Variants in SPTSSB observed in about 807,000 individuals in gnomAD.
SPTSSB encodes the protein serine palmitoyltransferase small subunit B.
SPTSSB carries 6 observed loss-of-function variants against 7.7 expected under a neutral mutation model. The ratio of observed to expected loss-of-function variants is 0.78; its 90% CI spans 0.43 to 1.54. The LOEUF (loss-of-function observed/expected upper bound fraction) is 1.54, where lower values mean the gene tolerates loss of function less well. Among genes scored for constraint, SPTSSB ranks in the 40% most tolerant of loss-of-function variants. The pLI is 0.01. For missense variants in SPTSSB, 91 were observed against 93.0 expected (o/e 0.98, Z 0.09); for synonymous variants, 28 against 29.7 (o/e 0.94, Z 0.19).
At chr3:161,359,932 T>C (rs773269008) in intron 1 of SPTSSB, 38 bp from the exon 2 acceptor site, 2 of 308,874 alleles carry the variant, frequency 6.5e-6, no homozygotes, top group Non-Finnish European at 9.5e-6. Flanking sequence ...AACCAAAAGA[T>C]GTCTTCAAAT....
In SPTSSB at chr3:161,344,814, AT is replaced by A. The variant is rs572507077; in HGVS notation, c.*1278del. On this transcript the variant is annotated 3_prime_UTR_variant, in exon 3 of 3. Transcript: ENST00000620149. ...AAGTAGATATTTACTTACAAAATTA[AT>A]TTTATTTTGCAAAACTCAACAAATA... The A allele has an allele frequency of 2.3e-3, 345 of 152,458 alleles. No homozygotes were observed. The highest frequency in any genetic ancestry group is 7.8e-3 in the African/African-American group (323 of 41,564). The allele number at this position is 152,458 out of a possible 1,614,324, so 9.4% of individuals were successfully genotyped here.
Position 161,346,065 on chromosome 3 carries a change from A to C in SPTSSB, c.*28T>G, listed in dbSNP as rs1246788579. 4.4e-6 allele frequency: 5 copies of C among 1,136,508 alleles called. No homozygotes were observed. The African/African-American group carries it at 6.1e-5, about 14-fold the overall frequency. The allele number at this position is 1,136,508 out of a possible 1,614,324, so 70.4% of individuals were successfully genotyped here. The stretch of plus-strand genomic sequence containing the variant: ...AGCTGTAAGCAACATATAAATATGC[A>C]ATGCCATTTCACTGAATGTGAACAG... On this transcript the variant is annotated 3_prime_UTR_variant, in exon 3 of 3. Coordinates refer to ENST00000620149, the MANE Select transcript of SPTSSB (RefSeq NM_001040100.2).
chr3:161,350,504 A>G (rs1231194484), intron 2 of SPTSSB, among the ~76,000 whole-genome samples: 2 of 152,160 alleles, frequency 1.3e-5, no homozygotes, highest in African/African-American at 4.8e-5. Context: ...TTGGAACTCT[A>G]CATCAATCAC....
At chr3:161,353,030 T>C (rs1306286495) in intron 2 of SPTSSB, among the ~76,000 whole-genome samples, 2 of 152,140 alleles carry the variant, frequency 1.3e-5, no homozygotes, top group Non-Finnish European at 2.9e-5. Flanking sequence ...ACTTGAAGAC[T>C]TGAATTCTAT....
chr3:161,369,151 A>G (rs953057956), intron 1 of SPTSSB, among the ~76,000 whole-genome samples: 7 of 152,134 alleles, frequency 4.6e-5, no homozygotes, highest in African/African-American at 7.2e-5. Context: ...ACTCTCTTCT[A>G]TAGCGATTGC....
At chr3:161,358,208 G>C (rs1033491581) in intron 2 of SPTSSB, among the ~76,000 whole-genome samples, 1 of 152,048 alleles carries the variant, frequency 6.6e-6, no homozygotes, top group Non-Finnish European at 1.5e-5. Flanking sequence ...TACCAGTGTG[G>C]TAGGCAATGG....
Position 161,345,217 on chromosome 3 carries a change from G to A in SPTSSB, c.*876C>T, listed in dbSNP as rs1714156052. The A allele has an allele frequency of 6.6e-6, 1 of 152,516 alleles. No homozygotes were observed. Among genetic ancestry groups the A allele is most frequent in the Non-Finnish European group, 1.5e-5 (1 of 68,022 alleles). 9.4% of individuals were successfully genotyped at this position (152,516 alleles called of 1,614,324 possible). Reference sequence around the variant, plus strand: ...TAACTGGAGCTGTTGAGTTCCTGCTGGTAGAATATTACTTCCAGCCTATTT... The same window carrying A: ...TAACTGGAGCTGTTGAGTTCCTGCTAGTAGAATATTACTTCCAGCCTATTT... On this transcript the variant is annotated 3_prime_UTR_variant, in exon 3 of 3. Coordinates refer to ENST00000620149, the MANE Select transcript of SPTSSB (RefSeq NM_001040100.2).
intron 1 of SPTSSB, among the ~76,000 whole-genome samples, chr3:161,368,519 C>T (rs983537344): frequency 4.6e-5 from 7 of 151,144 alleles, no homozygotes; most frequent in Non-Finnish European, 8.9e-5. Context: ...CTCCGCCTCC[C>T]GGGTTCACGC....
At chr3:161,357,031 C>CT (rs1714800223) in intron 2 of SPTSSB, among the ~76,000 whole-genome samples, 1 of 152,062 alleles carries the variant, frequency 6.6e-6, no homozygotes, top group Admixed American at 6.6e-5. Context: ...GAGTGGAGAA[C>CT]TAGGCGGATC....
At chr3:161,352,368 A>G (rs1448791381) in intron 2 of SPTSSB, among the ~76,000 whole-genome samples, 4 of 152,194 alleles carry the variant, frequency 2.6e-5, no homozygotes, top group African/African-American at 9.7e-5. Flanking sequence ...TATTGCTTAA[A>G]GAAGCTATTT....
Position 161,346,339 on chromosome 3 carries a change from G to C in SPTSSB, c.-16C>G, listed in dbSNP as rs753142278. The C allele has an allele frequency of 2.6e-6, 4 of 1,550,070 alleles. No individual in the cohort carries two copies. Among genetic ancestry groups the C allele is most frequent in the Non-Finnish European group, 3.6e-6 (4 of 1,122,084 alleles). On this transcript the variant is annotated 5_prime_UTR_variant, in exon 3 of 3. Transcript: ENST00000620149. ...TCAAATCCATGGTTGGCTCCTTCAA[G>C]CTGCAGTAAGTTTGTCCTGTTAAAG...
rs1714205946 is a variant in SPTSSB, at chr3:161,346,028, C to T, written c.*65G>A. ...ATAGTGAAGGAAGACACAATAGTTA[C>T]CTAAATCAATAAGCTGTAAGCAACA... On this transcript the variant is annotated 3_prime_UTR_variant, in exon 3 of 3. Transcript: ENST00000620149. 4 of 834,808 alleles carry T rather than the reference C, an allele frequency of 4.8e-6. No individual in the cohort carries two copies. Among genetic ancestry groups the T allele is most frequent in the African/African-American group, 1.7e-5 (1 of 59,674 alleles). The allele number at this position is 834,808 out of a possible 1,614,324, so 51.7% of individuals were successfully genotyped here.
intron 1 of SPTSSB, among the ~76,000 whole-genome samples, chr3:161,364,714 A>T (rs1715149471): frequency 6.6e-6 from 1 of 151,864 alleles, no homozygotes; most frequent in Non-Finnish European, 1.5e-5. Flanking sequence ...TTTATTTTCT[A>T]CTTCTTCATC....
intron 2 of SPTSSB, 120 bp downstream of exon 2, chr3:161,359,682 T>C: frequency 1.1e-6 from 1 of 951,194 alleles, no homozygotes; most frequent in East Asian, 1.2e-4. Flanking sequence ...ATATCTAGTG[T>C]ATAATAAATG....
intron 2 of SPTSSB, among the ~76,000 whole-genome samples, chr3:161,351,020 C>G (rs1462386168): frequency 6.6e-6 from 1 of 152,058 alleles, no homozygotes; most frequent in Non-Finnish European, 1.5e-5. Flanking sequence ...GACCAGTACT[C>G]CCCAAAACCC....
chr3:161,356,009 G>C (rs567524564), intron 2 of SPTSSB, among the ~76,000 whole-genome samples: 2 of 152,112 alleles, frequency 1.3e-5, no homozygotes, highest in African/African-American at 2.4e-5. Flanking sequence ...AAATCACATC[G>C]ATGTACCATA....
intron 1 of SPTSSB, among the ~76,000 whole-genome samples, chr3:161,366,198 G>A (rs1715212127): frequency 6.6e-6 from 1 of 152,314 alleles, no homozygotes; most frequent in Middle Eastern, 3.4e-3. Flanking sequence ...TAATTCTCTG[G>A]AAGACTACAA....
intron 2 of SPTSSB, among the ~76,000 whole-genome samples, chr3:161,348,944 G>C (rs551390423): frequency 6.6e-6 from 1 of 152,210 alleles, no homozygotes; most frequent in African/African-American, 2.4e-5. Context: ...ACTATTTTTA[G>C]GTTCTAGATT....
chr3:161,369,445 G>T (rs1478643543), intron 1 of SPTSSB, among the ~76,000 whole-genome samples: 1 of 101,122 alleles, frequency 9.9e-6, no homozygotes, highest in Non-Finnish European at 1.9e-5. Flanking sequence ...AAGTGGGATT[G>T]TACTGTGGTT....
Sources: gnomAD v4.1 joint callset for allele counts (sites outside exome capture counted in the v4.1 genomes callset) on GRCh38, gnomAD v4.1.1 for gene constraint, MANE v1.5 for transcripts, NCBI Gene and HGNC (gene_info 2026-07-23, HGNC 2026-07-21) for gene names.